PARD6G: variants seen among roughly 807,000 people sequenced by gnomAD.
The protein encoded by PARD6G is partitioning defective 6 homolog gamma.
A neutral mutation model predicts 10.7 loss-of-function variants in PARD6G; 7 were observed. The ratio of observed to expected loss-of-function variants is 0.66; its 90% confidence interval spans 0.37 to 1.23. PARD6G has a LOEUF of 1.23. Ranked by LOEUF, PARD6G falls within the 50% of genes most tolerant of loss-of-function variation. The pLI is 0.02. For missense variants in PARD6G, 548 were observed against 571.8 expected (o/e 0.96, Z 0.42); for synonymous variants, 287 against 269.4 (o/e 1.07, Z -0.64).
At chr18:80,218,317 G>A (rs1967192397) in intron 1 of PARD6G, among the ~76,000 whole-genome samples, 1 of 151,958 alleles carries the variant, frequency 6.6e-6, no homozygotes, top group Non-Finnish European at 1.5e-5. Context: ...AGATACAATG[G>A]AGGTACAGGC....
intron 1 of PARD6G, among the ~76,000 whole-genome samples, chr18:80,224,205 T>C (rs1967261927): frequency 6.6e-6 from 1 of 152,220 alleles, no homozygotes; most frequent in Admixed American, 6.5e-5. Context: ...GAAGGATAAC[T>C]CATCACCATT....
At chr18:80,179,617 G>A (rs1174163030) in intron 2 of PARD6G, among the ~76,000 whole-genome samples, 1 of 152,206 alleles carries the variant, frequency 6.6e-6, no homozygotes, top group Non-Finnish European at 1.5e-5. Flanking sequence ...GAGAGGTGCA[G>A]GCGAGTTGTT....
chr18:80,186,233 C>A (rs560725432), intron 2 of PARD6G, among the ~76,000 whole-genome samples: 1 of 149,598 alleles, frequency 6.7e-6, no homozygotes, highest in African/African-American at 2.5e-5. Context: ...CACACCCTCA[C>A]GCATGCATGC....
intron 1 of PARD6G, among the ~76,000 whole-genome samples, chr18:80,237,104 A>G (rs1309470788): frequency 1.3e-5 from 2 of 152,216 alleles, no homozygotes; most frequent in Admixed American, 1.3e-4. Context: ...AAACTACACT[A>G]CAAGGCTACA....
intron 1 of PARD6G, among the ~76,000 whole-genome samples, chr18:80,217,386 G>A (rs1221053802): frequency 6.7e-6 from 1 of 148,276 alleles, no homozygotes; most frequent in Non-Finnish European, 1.5e-5. Flanking sequence ...TATGTGTAAG[G>A]CACACGGAAT....
At chr18:80,230,323 T>C (rs571096743) in intron 1 of PARD6G, among the ~76,000 whole-genome samples, 1 of 152,298 alleles carries the variant, frequency 6.6e-6, no homozygotes, top group South Asian at 2.1e-4. Flanking sequence ...GAACTCCATG[T>C]AGGAAAAGAG....
rs1464599719 is a variant in PARD6G at position 80,189,551 on chromosome 18, C to G, written c.295+13159G>C. The G allele has an allele frequency of 6.6e-6, 1 of 152,202 alleles. No homozygotes were observed. Among genetic ancestry groups the G allele is most frequent in the Non-Finnish European group, 1.5e-5 (1 of 68,052 alleles). 9.4% of individuals were successfully genotyped at this position (152,202 alleles called of 1,614,324 possible). ...TTTTCTTCTGAGTCTACCACGAGGA[C>G]AGCTAACTCCAGATGTCTTCTCTTA... is the stretch of plus-strand genomic sequence containing the variant. On this transcript the variant is annotated intron_variant, in intron 2 of 2. Coordinates refer to ENST00000353265, the MANE Select transcript of PARD6G (RefSeq NM_032510.4). The surrounding 1 kb of genome is among the most constrained non-coding windows in gnomAD (Gnocchi z 5.5).
At chr18:80,232,877 G>A (rs548753108) in intron 1 of PARD6G, among the ~76,000 whole-genome samples, 22 of 152,172 alleles carry the variant, frequency 1.4e-4, no homozygotes, top group Non-Finnish European at 2.4e-4. Flanking sequence ...TACAACCCAC[G>A]GGGCCACATC....
In PARD6G at chr18:80,159,699, G is replaced by C. The variant is rs1230892387; in HGVS notation, c.*72C>G. ...TCACAAAAACAACAAAAAATGAGCG[G>C]ATGCAGTCTGCAGGTCCTGTCCCTG... On this transcript the variant is annotated 3_prime_UTR_variant, in exon 3 of 3. Transcript: ENST00000353265. 1 of 1,321,626 alleles carries C rather than the reference G, an allele frequency of 7.6e-7. No individual in the cohort carries two copies. The highest frequency in any genetic ancestry group is 1.5e-5 in the African/African-American group (1 of 64,524). The allele number at this position is 1,321,626 out of a possible 1,614,324, so 81.9% of individuals were successfully genotyped here. A position where few individuals can be genotyped will look rare whatever the true frequency, so the allele number is the denominator to read the frequency against.
In PARD6G at chr18:80,200,712, G is replaced by A. The variant is rs1402102715; in HGVS notation, c.295+1998C>T. Among the ~76,000 whole-genome samples, 2 of 152,210 alleles carry A rather than the reference G, an allele frequency of 1.3e-5. No homozygotes were observed. Among genetic ancestry groups the A allele is most frequent in the Non-Finnish European group, 2.9e-5 (2 of 68,044 alleles). On this transcript the variant is annotated intron_variant, in intron 2 of 2. Transcript: ENST00000353265. The surrounding 1 kb of genome is among the most constrained non-coding windows in gnomAD (Gnocchi z 4.4). ...GGCAGAGGAAGAAGGAAAAATAAATGATGAAGACTGAACACAGGGCCCCAG... is the reference window on the plus strand; with the variant it reads ...GGCAGAGGAAGAAGGAAAAATAAATAATGAAGACTGAACACAGGGCCCCAG...
At chr18:80,245,436 G>A (rs1214960858) in intron 1 of PARD6G, among the ~76,000 whole-genome samples, 8 of 152,160 alleles carry the variant, frequency 5.3e-5, no homozygotes, top group Admixed American at 5.2e-4. Flanking sequence ...TCTGCACCTT[G>A]ATTGTGTTGG....
rs540629316 is a variant in PARD6G, at chr18:80,211,706, T to C, written c.73-8774A>G. Reference sequence around the variant, plus strand: ...GGCAAAAGGTGACACATACATACAATGGAATATTATTCCATCTTCAAAAGG... The same window carrying C: ...GGCAAAAGGTGACACATACATACAACGGAATATTATTCCATCTTCAAAAGG... On this transcript the variant is annotated intron_variant, in intron 1 of 2. Coordinates refer to ENST00000353265, the MANE Select transcript of PARD6G (RefSeq NM_032510.4). 2.0e-5 allele frequency among the ~76,000 whole-genome samples: 3 copies of C among 152,322 alleles called. No individual in the cohort carries two copies. The South Asian group carries it at 6.2e-4, about 32-fold the overall frequency.
chr18:80,159,952 C>A lies in PARD6G; in HGVS notation c.950G>T (p.Gly317Val), dbSNP rs895702547. The A allele has an allele frequency of 6.0e-6, 9 of 1,496,116 alleles. No individual in the cohort carries two copies. The highest frequency in any genetic ancestry group is 3.5e-6 in the Non-Finnish European group (4 of 1,132,938). 92.7% of individuals were successfully genotyped at this position (1,496,116 alleles called of 1,614,324 possible). The change falls in exon 3 of 3, where the codon GGC becomes GTC. Residue 317 changes from glycine to valine, a missense_variant. Gly to Val is a moderately radical substitution (Grantham distance 109). Coordinates refer to ENST00000353265, the MANE Select transcript of PARD6G (RefSeq NM_032510.4). ...CCGGGAGAGGCTGCCTGCGGGCGCG[C>A]CCGGGGTCTGGGGGGGACGTGCAGG... ...LEPARPPQTP[G>V]APAGSLSRVN... is the part of the protein sequence containing the mutation.
intron 1 of PARD6G, among the ~76,000 whole-genome samples, chr18:80,208,879 G>C (rs988884997): frequency 2.0e-5 from 3 of 152,134 alleles, no homozygotes; most frequent in South Asian, 2.1e-4. Context: ...CACTTTGGGA[G>C]GCCAAGGGAG....
intron 1 of PARD6G, among the ~76,000 whole-genome samples, chr18:80,234,579 C>T (rs1031558539): frequency 4.6e-5 from 7 of 151,970 alleles, no homozygotes; most frequent in Non-Finnish European, 8.8e-5. Context: ...GATCAATGAC[C>T]GAGATCACCC....
chr18:80,171,507 T>C (rs1326692036), intron 2 of PARD6G: 1 of 152,264 alleles, frequency 6.6e-6, no homozygotes, highest in African/African-American at 2.4e-5. Context: ...AAAATTTACA[T>C]AACATAAAAT....
chr18:80,236,120 A>G (rs145474478), intron 1 of PARD6G, among the ~76,000 whole-genome samples: 3,890 of 152,294 alleles, frequency 0.026, 161 homozygotes, highest in African/African-American at 0.089. Flanking sequence ...CTGGCAAACC[A>G]AATCCAGCAG....
chr18:80,234,064 G>A (rs754211313), intron 1 of PARD6G, among the ~76,000 whole-genome samples: 9 of 152,136 alleles, frequency 5.9e-5, no homozygotes, highest in Admixed American at 1.3e-4. Flanking sequence ...TTGGCCCTGC[G>A]GGTGTCCACA....
At chr18:80,225,402 T>G (rs1159950980) in intron 1 of PARD6G, among the ~76,000 whole-genome samples, 1 of 152,130 alleles carries the variant, frequency 6.6e-6, no homozygotes, top group Non-Finnish European at 1.5e-5. Context: ...CATAGCTGCT[T>G]GGGGCATGAG....
Sources: gnomAD v4.1 joint callset for allele counts (sites outside exome capture counted in the v4.1 genomes callset) on GRCh38, gnomAD v4.1.1 for gene constraint, Gnocchi (gnomAD v3.1) non-coding constraint, MANE v1.5 for transcripts, NCBI Gene and HGNC (gene_info 2026-07-23, HGNC 2026-07-21) for gene names.